SORCS2: variants seen among roughly 807,000 people sequenced by gnomAD.
SORCS2 encodes the protein sortilin related VPS10 domain containing receptor 2.
SORCS2 carries 100 observed loss-of-function variants against 141.6 expected under a neutral mutation model. That is an observed-to-expected ratio of 0.71 (90% CI 0.60 to 0.83). The LOEUF is 0.83. Ranked by LOEUF, SORCS2 falls within the 40% of genes least tolerant of loss-of-function variation. The pLI, the probability that SORCS2 is intolerant of heterozygous loss-of-function variation, is 0.00. For synonymous variants in SORCS2, 789 were observed against 676.9 expected, an observed-to-expected ratio of 1.17 and a Z score of -2.57; for missense variants, 1,646 against 1,560.2, an observed-to-expected ratio of 1.05 and a Z score of -0.93.
At chr4:7,630,095 G>A (rs1212622824) in intron 3 of SORCS2, among the ~76,000 whole-genome samples, 2 of 152,130 alleles carry the variant, frequency 1.3e-5, no homozygotes, top group African/African-American at 2.4e-5. Flanking sequence ...GCCCTACCCT[G>A]CAGGCAGTCA....
chr4:7,514,116 GGGTGGCTGATGTT>G (rs1732830690), intron 2 of SORCS2, among the ~76,000 whole-genome samples: 1 of 152,144 alleles, frequency 6.6e-6, no homozygotes, highest in Admixed American at 6.5e-5. Context: ...AAGCTGCAAG[GGGTGGCTGATGTT>G]GGAAGCTGGA....
intron 3 of SORCS2, among the ~76,000 whole-genome samples, chr4:7,592,501 G>C (rs1262017909): frequency 6.6e-6 from 1 of 152,214 alleles, no homozygotes; most frequent in Non-Finnish European, 1.5e-5. Context: ...TTACAGCAAG[G>C]CATGGCCATG....
At chr4:7,586,990 G>A (rs528823331) in intron 3 of SORCS2, among the ~76,000 whole-genome samples, 2 of 152,000 alleles carry the variant, frequency 1.3e-5, no homozygotes, top group Non-Finnish European at 2.9e-5. Context: ...ACATGCAGGA[G>A]AGTGACAGAG....
chr4:7,421,254 G>A (rs779625854), intron 2 of SORCS2, among the ~76,000 whole-genome samples: 4 of 152,204 alleles, frequency 2.6e-5, no homozygotes, highest in Admixed American at 1.3e-4. Flanking sequence ...CGTTTCCCAC[G>A]AGAGTCCCTG....
chr4:7,636,038 A>G lies in SORCS2; in HGVS notation c.649-2290A>G, dbSNP rs1014558783. ...TTCTGGAGATATTTTGGGGTCTAGC[A>G]AGGCCACCATAGTCGCCTCGTGCCA... On this transcript the variant is annotated intron_variant, in intron 3 of 26. Transcript: ENST00000507866. 3.3e-5 allele frequency among the ~76,000 whole-genome samples: 5 copies of G among 152,312 alleles called. No individual in the cohort carries two copies. The East Asian group carries it at 9.6e-4, about 29-fold the overall frequency.
chr4:7,603,681 G>A (rs1246043697), intron 3 of SORCS2, among the ~76,000 whole-genome samples: 1 of 152,080 alleles, frequency 6.6e-6, no homozygotes, highest in Non-Finnish European at 1.5e-5. Flanking sequence ...TATTGTTTCT[G>A]TGGTTCTTGC....
chr4:7,209,960 G>A (rs982606516), intron 1 of SORCS2, among the ~76,000 whole-genome samples: 1 of 152,214 alleles, frequency 6.6e-6, no homozygotes, highest in African/African-American at 2.4e-5. Context: ...GGTTGGGACC[G>A]AGCATGGTCC....
rs1253985832 is a variant in SORCS2, at chr4:7,663,848, A to G, written c.953-505A>G. Among the ~76,000 whole-genome samples, 2 of 152,164 alleles carry G rather than the reference A, an allele frequency of 1.3e-5. No individual in the cohort carries two copies. The highest frequency in any genetic ancestry group is 4.8e-5 in the African/African-American group (2 of 41,422). On this transcript the variant is annotated intron_variant, in intron 6 of 26. Coordinates refer to ENST00000507866, the MANE Select transcript of SORCS2 (RefSeq NM_020777.3). The surrounding 1 kb of genome is among the most constrained non-coding windows in gnomAD (Gnocchi z 4.8). ...GGCCTCCAGGATCTAGCCCCTCCAC[A>G]TAAATTTGCCCCGGGGAAACAGAAG...
At chr4:7,539,414 A>G (rs536494879) in intron 3 of SORCS2, among the ~76,000 whole-genome samples, 22 of 152,290 alleles carry the variant, frequency 1.4e-4, no homozygotes, top group Admixed American at 1.0e-3. Flanking sequence ...GGCTGTGCCC[A>G]TGTCCGCTTC....
intron 2 of SORCS2, among the ~76,000 whole-genome samples, chr4:7,403,985 ATATATATATATATT>A (rs369914857): frequency 0.33 from 23,244 of 69,896 alleles, 3,625 homozygotes; most frequent in Middle Eastern, 0.51. Flanking sequence ...ATATATATAT[ATATATATATATATT>A]TTTTTTTTTT....
intron 2 of SORCS2, among the ~76,000 whole-genome samples, chr4:7,467,930 A>G (rs1452111033): frequency 2.0e-5 from 3 of 152,202 alleles, no homozygotes; most frequent in Non-Finnish European, 4.4e-5. Context: ...GATAGCTGCC[A>G]GGTTGGGTTT....
At chr4:7,384,600 G>A (rs1177332508) in intron 1 of SORCS2, among the ~76,000 whole-genome samples, 2 of 152,208 alleles carry the variant, frequency 1.3e-5, no homozygotes, top group Admixed American at 6.5e-5. Context: ...CACACCACAG[G>A]GCTGGAGGAC....
At chr4:7,587,083 A>G (rs529705972) in intron 3 of SORCS2, among the ~76,000 whole-genome samples, 1 of 151,968 alleles carries the variant, frequency 6.6e-6, no homozygotes, top group African/African-American at 2.4e-5. Context: ...GGAGGTAGGG[A>G]GCTCCCTGTC....
rs878992448 is a variant in SORCS2 at position 7,706,006 on chromosome 4, A to G, written c.1868+1722A>G. ...CCTGCCCAGGCTGGCCTCTGCCTGG[A>G]CAGGGATGAGGCTGGGCTCTGTCTG... On this transcript the variant is annotated intron_variant, in intron 14 of 26. Transcript: ENST00000507866. Among the ~76,000 whole-genome samples, 26 of 146,758 alleles carry G rather than the reference A, an allele frequency of 1.8e-4. 1 individual carries two copies. The highest frequency in any genetic ancestry group is 2.5e-4 in the African/African-American group (10 of 40,258).
intron 3 of SORCS2, among the ~76,000 whole-genome samples, chr4:7,612,234 A>G (rs1718452017): frequency 1.3e-5 from 2 of 152,196 alleles, no homozygotes; most frequent in African/African-American, 4.8e-5. Flanking sequence ...AGGACACAAC[A>G]GGAATCCAAA....
intron 18 of SORCS2, among the ~76,000 whole-genome samples, chr4:7,723,158 C>G (rs1726711261): frequency 6.6e-6 from 1 of 152,110 alleles, no homozygotes. Context: ...TGCACTCACC[C>G]TGCCCCATCT....
At chr4:7,545,143 GAAAA>G (rs34817306) in intron 3 of SORCS2, among the ~76,000 whole-genome samples, 19,385 of 146,112 alleles carry the variant, frequency 0.13, 1,267 homozygotes, top group Non-Finnish European at 0.15. Flanking sequence ...GGAGGGAAAA[GAAAA>G]AAAAAAAAAA....
intron 1 of SORCS2, among the ~76,000 whole-genome samples, chr4:7,381,560 C>T (rs147510408): frequency 4.6e-5 from 7 of 152,290 alleles, no homozygotes; most frequent in African/African-American, 7.2e-5. Flanking sequence ...GTGTCCCTGG[C>T]GGAGGGAGGG....
At chr4:7,514,177 C>A (rs1277144174) in intron 2 of SORCS2, among the ~76,000 whole-genome samples, 3 of 152,156 alleles carry the variant, frequency 2.0e-5, no homozygotes, top group African/African-American at 7.2e-5. Flanking sequence ...GGCCACTCAG[C>A]AGGTCCAGAC....
Sources: gnomAD v4.1 joint callset for allele counts (sites outside exome capture counted in the v4.1 genomes callset) on GRCh38, gnomAD v4.1.1 for gene constraint, Gnocchi (gnomAD v3.1) non-coding constraint, MANE v1.5 for transcripts, NCBI Gene and HGNC (gene_info 2026-07-23, HGNC 2026-07-21) for gene names.